HMGB1: variants seen among roughly 807,000 people sequenced by gnomAD.
HMGB1 encodes the protein high mobility group protein B1.
For missense variants in HMGB1, 79 were observed against 253.5 expected (o/e 0.31, Z 4.67); for synonymous variants, 81 against 84.0 (o/e 0.96, Z 0.19).
At chr13:30,551,548 C>CAT (rs1233823516) in intron 1 of HMGB1, among the ~76,000 whole-genome samples, 3 of 152,324 alleles carry the variant, frequency 2.0e-5, no homozygotes, top group South Asian at 2.1e-4. Context: ...CTAAAGTGAC[C>CAT]ATTTAAACAC....
At chr13:30,615,281 C>A (rs1950550236) in intron 1 of HMGB1, among the ~76,000 whole-genome samples, 1 of 152,146 alleles carries the variant, frequency 6.6e-6, no homozygotes, top group South Asian at 2.1e-4. Flanking sequence ...ATGCATAGCA[C>A]AAGCGTGTTG....
chr13:30,538,451 A>ATTCTTTCTTTCTTTTTCT (rs1868555745), intron 1 of HMGB1, among the ~76,000 whole-genome samples: 1 of 90,612 alleles, frequency 1.1e-5, no homozygotes, highest in African/African-American at 5.7e-5. Flanking sequence ...AGTACTAGCA[A>ATTCTTTCTTTCTTTTTCT]TTCTTTCTTT....
At chr13:30,491,059 GC>G (rs1304131966) in intron 1 of HMGB1, among the ~76,000 whole-genome samples, 4 of 150,466 alleles carry the variant, frequency 2.7e-5, no homozygotes, top group Non-Finnish European at 4.4e-5. Context: ...ACGGAGTTTC[GC>G]TCTTGTTGCC....
intron 1 of HMGB1, among the ~76,000 whole-genome samples, chr13:30,514,882 C>T (rs917046722): frequency 2.0e-5 from 3 of 152,144 alleles, no homozygotes; most frequent in Non-Finnish European, 2.9e-5. Flanking sequence ...AGATGATCCT[C>T]GATGACCTCC....
rs568999784 is a variant in HMGB1 at position 30,591,929 on chromosome 13, C to T, written c.-15+24742G>A. Among the ~76,000 whole-genome samples, 12 of 152,096 alleles carry T rather than the reference C, an allele frequency of 7.9e-5. 1 individual carries two copies. In the South Asian group the frequency reaches 2.1e-3, roughly 26 times the overall value. On this transcript the variant is annotated intron_variant, in intron 1 of 4. Transcript: ENST00000405805. The stretch of plus-strand genomic sequence containing the variant: ...TACAATATTGTCCTACTGTGGGTAG[C>T]GCAATAACTAAGGTAATCTGAAAGA...
intron 1 of HMGB1, among the ~76,000 whole-genome samples, chr13:30,616,080 A>G (rs780982766): frequency 4.6e-5 from 7 of 152,212 alleles, no homozygotes; most frequent in Non-Finnish European, 1.0e-4. Flanking sequence ...TCAACTTGGG[A>G]CCGTTACTCT....
At position 30,513,630 on chromosome 13, in the gene HMGB1, T is replaced by C. The variant is rs528363688; in HGVS notation, c.-14-49936A>G. Among the ~76,000 whole-genome samples, 7 of 152,364 alleles carry C rather than the reference T, an allele frequency of 4.6e-5. No homozygotes were observed. In the East Asian group the frequency reaches 1.2e-3, roughly 25 times the overall value. On this transcript the variant is annotated intron_variant, in intron 1 of 4. Coordinates refer to the HMGB1 transcript ENST00000405805. Reference sequence around the variant, plus strand: ...CAGGCCTGTATGTCCAAGTTTCTACTGGTCATCTCTACTTGGATGTAATAC... The same window carrying C: ...CAGGCCTGTATGTCCAAGTTTCTACCGGTCATCTCTACTTGGATGTAATAC...
At chr13:30,606,395 AACT>A (rs1293025298) in intron 1 of HMGB1, among the ~76,000 whole-genome samples, 1 of 152,188 alleles carries the variant, frequency 6.6e-6, no homozygotes, top group Non-Finnish European at 1.5e-5. Flanking sequence ...TTCAGAAAAA[AACT>A]ACTACCATCT....
At chr13:30,481,452 G>A (rs775770315) in intron 1 of HMGB1, among the ~76,000 whole-genome samples, 1 of 152,222 alleles carries the variant, frequency 6.6e-6, no homozygotes, top group Non-Finnish European at 1.5e-5. Context: ...TAAATGAAGG[G>A]TTAGATCTTA....
rs866729257 is a variant in HMGB1, at chr13:30,487,245, A to G, written c.-14-23551T>C. Among the ~76,000 whole-genome samples the G allele has an allele frequency of 3.3e-5, 5 of 152,190 alleles. No individual in the cohort carries two copies. In the South Asian group the frequency reaches 1.0e-3, roughly 32 times the overall value. On this transcript the variant is annotated intron_variant, in intron 1 of 4. Coordinates refer to the HMGB1 transcript ENST00000405805. ...TACACAGTAACCACCTATACTCTTC[A>G]GAGGCCAGTGCCCCTAGCTTGCCAG... is the stretch of plus-strand genomic sequence containing the variant.
intron 1 of HMGB1, among the ~76,000 whole-genome samples, chr13:30,614,735 C>T (rs1387162480): frequency 2.6e-5 from 4 of 152,120 alleles, no homozygotes; most frequent in South Asian, 4.1e-4. Flanking sequence ...CTTGCTCTGT[C>T]GCTCAGGCTG....
chr13:30,481,431 C>T (rs1422320534), intron 1 of HMGB1, among the ~76,000 whole-genome samples: 3 of 152,228 alleles, frequency 2.0e-5, no homozygotes, highest in Non-Finnish European at 2.9e-5. Context: ...CAAGCACTAA[C>T]CGCTAAACGC....
chr13:30,608,331 T>C (rs1274564965), intron 1 of HMGB1, among the ~76,000 whole-genome samples: 1 of 152,144 alleles, frequency 6.6e-6, no homozygotes, highest in African/African-American at 2.4e-5. Context: ...CAATAATACA[T>C]ACTGATTTAA....
At position 30,532,808 on chromosome 13, in the gene HMGB1, T is replaced by C. The variant is rs116596912; in HGVS notation, c.-14-69114A>G. ...CACCATGCCTGCCCCTTATTAGCTT[T>C]TTAATCTCCTTCCAGATGTTTGGTT... On this transcript the variant is annotated intron_variant, in intron 1 of 4. Transcript: ENST00000405805. 2.4e-3 allele frequency among the ~76,000 whole-genome samples: 361 copies of C among 152,292 alleles called. 1 individual carries two copies. Among genetic ancestry groups the C allele is most frequent in the African/African-American group, 8.1e-3 (335 of 41,566 alleles).
chr13:30,500,428 G>A (rs549312453), intron 1 of HMGB1, among the ~76,000 whole-genome samples: 3 of 152,150 alleles, frequency 2.0e-5, no homozygotes, highest in Admixed American at 2.0e-4. Flanking sequence ...GGAGTGCAGT[G>A]GTGCAATCAT....
At chr13:30,465,348 C>T (rs1419035394) in intron 1 of HMGB1, 2 of 138,132 alleles carry the variant, frequency 1.4e-5, no homozygotes, top group African/African-American at 2.6e-5. Context: ...GCTGCGGCGG[C>T]GGCCAATGCA....
At chr13:30,609,806 A>G (rs963720681) in intron 1 of HMGB1, among the ~76,000 whole-genome samples, 1 of 152,162 alleles carries the variant, frequency 6.6e-6, no homozygotes, top group African/African-American at 2.4e-5. Context: ...GTGTTTTTAT[A>G]GCTTAGCTCC....
At chr13:30,518,274 C>G (rs1231220812) in intron 1 of HMGB1, among the ~76,000 whole-genome samples, 2 of 152,220 alleles carry the variant, frequency 1.3e-5, no homozygotes, top group African/African-American at 4.8e-5. Context: ...GAATTCAAGG[C>G]TGCCGTGAGC....
At chr13:30,595,982 C>T (rs575012428) in intron 1 of HMGB1, among the ~76,000 whole-genome samples, 5 of 152,292 alleles carry the variant, frequency 3.3e-5, no homozygotes, top group African/African-American at 1.2e-4. Flanking sequence ...GCATGAGTAA[C>T]AAGAGGCAAG....
Sources: gnomAD v4.1 joint callset for allele counts (sites outside exome capture counted in the v4.1 genomes callset) on GRCh38, gnomAD v4.1.1 for gene constraint, MANE v1.5 for transcripts, NCBI Gene and HGNC (gene_info 2026-07-23, HGNC 2026-07-21) for gene names.